The following MAP3K1 variants were observed in gnomAD, a reference collection of about 807,000 sequenced individuals.
The protein encoded by MAP3K1 is mitogen-activated protein kinase kinase kinase 1.
MAP3K1 carries 36 observed loss-of-function variants against 144.2 expected under a neutral mutation model. The ratio of observed to expected loss-of-function variants is 0.25; its 90% CI spans 0.19 to 0.33. MAP3K1 has a LOEUF of 0.33. Ranked by LOEUF, MAP3K1 falls within the 10% of genes least tolerant of loss-of-function variation. MAP3K1 has a pLI of 1.00. For synonymous variants in MAP3K1, 718 were observed against 688.7 expected, an observed-to-expected ratio of 1.04 and a Z score of -0.67; for missense variants, 1,650 against 1,881.9, an observed-to-expected ratio of 0.88 and a Z score of 2.28.
At position 56,875,051 on chromosome 5, in the gene MAP3K1, T is replaced by C; in HGVS notation, c.1706T>C (p.Val569Ala). Residue 569 changes from valine to alanine, a missense_variant, in exon 10 of 20, where the codon GTT becomes GCT. Val to Ala is a moderately conservative substitution (Grantham distance 64). Coordinates refer to ENST00000399503, the MANE Select transcript of MAP3K1 (RefSeq NM_005921.2). ...PWIQVFGMEL[V>A]GCLFSRNWNV... ...ATACAGGTGTTTGGAATGGAACTCG[T>C]TGGCTGCTTATTTTCTAGAAACTGG... is the stretch of plus-strand genomic sequence containing the variant. 2 of 1,614,236 alleles carry C rather than the reference T, an allele frequency of 1.2e-6. No individual in the cohort carries two copies. The highest frequency in any genetic ancestry group is 1.7e-6 in the Non-Finnish European group (2 of 1,180,032).
chr5:56,822,853 C>G (rs1746194854), intron 1 of MAP3K1, among the ~76,000 whole-genome samples: 1 of 152,170 alleles, frequency 6.6e-6, no homozygotes, highest in South Asian at 2.1e-4. Context: ...ATGGCAGAAC[C>G]AGAACCCAGG....
chr5:56,870,356 T>G (rs1747814588), intron 6 of MAP3K1, among the ~76,000 whole-genome samples: 1 of 152,192 alleles, frequency 6.6e-6, no homozygotes, highest in Non-Finnish European at 1.5e-5. Context: ...CTTTATATTA[T>G]AATGAAAATA....
intron 3 of MAP3K1, among the ~76,000 whole-genome samples, chr5:56,860,941 GA>G (rs1747490055): frequency 6.6e-6 from 1 of 152,148 alleles, no homozygotes; most frequent in Admixed American, 6.5e-5. Context: ...TAGAATTTTA[GA>G]AAGCTACTAT....
rs1461962273 is a variant in MAP3K1, at chr5:56,895,298, A to C, written c.*1618A>C. ...GAAGATTGGCGATATTTGAAGAGTT[A>C]AAAATAGTACAGAAATGTGAAGTTT... On this transcript the variant is annotated 3_prime_UTR_variant, in exon 20 of 20. Transcript: ENST00000399503. The C allele has an allele frequency of 4.3e-6, 1 of 232,100 alleles. No homozygotes were observed. Among genetic ancestry groups the C allele is most frequent in the Non-Finnish European group, 8.5e-6 (1 of 117,422 alleles). 14.4% of individuals were successfully genotyped at this position (232,100 alleles called of 1,614,324 possible). A position where few individuals can be genotyped will look rare whatever the true frequency, so the allele number is the denominator to read the frequency against.
rs1748192613 is a variant in MAP3K1 at position 56,881,127 on chromosome 5, C to A, written c.2224C>A (p.Leu742Ile). 6.2e-7 allele frequency: 1 copy of A among 1,613,620 alleles called. No homozygotes were observed. Among genetic ancestry groups the A allele is most frequent in the South Asian group, 1.1e-5 (1 of 91,060 alleles). ...TGTTGATTATGTCTTAAATTGTATT[C>A]TTGGAAACCAAACTGAATCAAACAA... The part of the protein sequence containing the change: ...GGVDYVLNCI[L>I]GNQTESNNWQ... The change falls in exon 13 of 20, where the codon CTT becomes ATT. Residue 742 changes from leucine to isoleucine, a missense_variant. Leu to Ile is a conservative substitution (Grantham distance 5, BLOSUM62 2). Coordinates refer to ENST00000399503, the MANE Select transcript of MAP3K1 (RefSeq NM_005921.2).
chr5:56,881,533 T>G (rs1186714986), intron 13 of MAP3K1, 37 bp from the exon 14 acceptor site: 1 of 1,497,884 alleles, frequency 6.7e-7, no homozygotes, highest in African/African-American at 1.4e-5. Flanking sequence ...TTTCAGTAAT[T>G]GGAACTTATA....
chr5:56,864,622 C>T, intron 3 of MAP3K1, 112 bp from the exon 4 acceptor site: 4 of 1,105,202 alleles, frequency 3.6e-6, no homozygotes, highest in South Asian at 1.3e-5. Flanking sequence ...ATCCGCCCTC[C>T]TCGGCCTCCC....
intron 10 of MAP3K1, among the ~76,000 whole-genome samples, chr5:56,876,825 T>C (rs1476169497): frequency 4.6e-5 from 7 of 152,226 alleles, no homozygotes; most frequent in African/African-American, 7.2e-5. Flanking sequence ...ATAATAGTTA[T>C]CATTATTTCT....
At chr5:56,837,061 G>C (rs1017473396) in intron 1 of MAP3K1, among the ~76,000 whole-genome samples, 2 of 151,944 alleles carry the variant, frequency 1.3e-5, no homozygotes, top group African/African-American at 4.8e-5. Context: ...CCTTAAGCTA[G>C]GAGAATCTAG....
rs1748667545 is a variant in MAP3K1, at chr5:56,895,195, T to G, written c.*1515T>G. On this transcript the variant is annotated 3_prime_UTR_variant, in exon 20 of 20. Transcript: ENST00000399503. ...TACAAGATAAGTTTACAGGGATATA[T>G]TGCTTACAATTTTTAAAAGGCAGTT... 11 of 231,906 alleles carry G rather than the reference T, an allele frequency of 4.7e-5. No individual in the cohort carries two copies. In the Admixed American group the frequency reaches 6.2e-4, roughly 13 times the overall value. 14.4% of individuals were successfully genotyped at this position (231,906 alleles called of 1,614,324 possible). A position where few individuals can be genotyped will look rare whatever the true frequency, so the allele number is the denominator to read the frequency against.
In MAP3K1 at chr5:56,881,586, T is replaced by A; in HGVS notation, c.2386T>A (p.Ser796Thr). 1 of 1,612,924 alleles carries A rather than the reference T, an allele frequency of 6.2e-7. No individual in the cohort carries two copies. Among genetic ancestry groups the A allele is most frequent in the Non-Finnish European group, 8.5e-7 (1 of 1,179,088 alleles). ...PVEIRYKKLLSLLTFALQSID... is the reference protein window; with the variant it reads ...PVEIRYKKLLTLLTFALQSID... ...TTCTTTCAGGTATAAGAAGCTGCTG[T>A]CCCTCTTAACCTTTGCTTTGCAGTC... The change falls in exon 14 of 20, where the codon TCC becomes ACC. Residue 796 changes from serine (S) to threonine (T), a missense_variant. By Grantham distance (58) the Ser-to-Thr change is moderately conservative. Coordinates refer to ENST00000399503, the MANE Select transcript of MAP3K1 (RefSeq NM_005921.2).
chr5:56,870,368 G>A (rs12656969), intron 6 of MAP3K1, among the ~76,000 whole-genome samples: 5,891 of 152,090 alleles, frequency 0.039, 164 homozygotes, highest in South Asian at 0.093. Context: ...ATGAAAATAC[G>A]GCTATTGATT....
chr5:56,887,669 A>G, intron 18 of MAP3K1, 149 bp downstream of exon 18: 1 of 840,898 alleles, frequency 1.2e-6, no homozygotes, highest in South Asian at 1.4e-5. Context: ...AATATCTTTC[A>G]GACCCTTATT....
intron 19 of MAP3K1, 22 bp downstream of exon 19, chr5:56,888,379 C>T: frequency 6.2e-7 from 1 of 1,612,138 alleles, no homozygotes; most frequent in East Asian, 2.2e-5. Context: ...ATAAAAATTA[C>T]TTCTTTGTGC....
intron 2 of MAP3K1, among the ~76,000 whole-genome samples, chr5:56,857,757 T>C (rs548079763): frequency 3.9e-4 from 60 of 152,302 alleles, no homozygotes; most frequent in African/African-American, 1.4e-3. Context: ...AAAGCTCTCT[T>C]AGATGTGTAG....
intron 1 of MAP3K1, among the ~76,000 whole-genome samples, chr5:56,827,011 C>T (rs1746337410): frequency 1.3e-5 from 2 of 152,304 alleles, no homozygotes; most frequent in Non-Finnish European, 2.9e-5. Flanking sequence ...AGCACCAAGC[C>T]AAGTCCCGAT....
At chr5:56,870,327 T>C (rs1747813888) in intron 6 of MAP3K1, among the ~76,000 whole-genome samples, 1 of 152,198 alleles carries the variant, frequency 6.6e-6, no homozygotes, top group African/African-American at 2.4e-5. Context: ...GCAACTTATT[T>C]AACATCCCAG....
rs832548 is a variant in MAP3K1 at position 56,887,810 on chromosome 5, G to C, written c.4257+290G>C. Reference sequence around the variant, plus strand: ...TGTAATAAACTCAAAGTGCACATAAGAAATTTTTAAAAATATTCTCTCTCT... The same window carrying C: ...TGTAATAAACTCAAAGTGCACATAACAAATTTTTAAAAATATTCTCTCTCT... On this transcript the variant is annotated intron_variant, in intron 18 of 19. Coordinates refer to ENST00000399503, the MANE Select transcript of MAP3K1 (RefSeq NM_005921.2). 0.78 allele frequency: 359,784 copies of C among 458,704 alleles called. 142,305 individuals are homozygous for C. Among genetic ancestry groups the C allele is most frequent in the Non-Finnish European group, 0.82 (207,216 of 252,222 alleles). The allele number at this position is 458,704 out of a possible 1,614,324, so 28.4% of individuals were successfully genotyped here.
At chr5:56,848,376 G>A (rs1310063574) in intron 1 of MAP3K1, among the ~76,000 whole-genome samples, 1 of 152,174 alleles carries the variant, frequency 6.6e-6, no homozygotes, top group Non-Finnish European at 1.5e-5. Context: ...GAATGATGGT[G>A]TAACATCTGC....
Sources: gnomAD v4.1 joint callset for allele counts (sites outside exome capture counted in the v4.1 genomes callset) on GRCh38, gnomAD v4.1.1 for gene constraint, MANE v1.5 for transcripts, NCBI Gene and HGNC (gene_info 2026-07-23, HGNC 2026-07-21) for gene names.